The following ARHGAP12 variants were observed in gnomAD, a reference collection of about 807,000 sequenced individuals.
ARHGAP12 encodes rho GTPase-activating protein 12.
In ARHGAP12, 64 loss-of-function variants were observed where a neutral mutation model predicts 108.6. The ratio of observed to expected loss-of-function variants is 0.59; its 90% CI spans 0.48 to 0.73. The LOEUF (loss-of-function observed/expected upper bound fraction) is 0.73, where lower values mean the gene tolerates loss of function less well. ARHGAP12 is among the 30% of genes least tolerant of loss of function. The probability of loss-of-function intolerance (pLI) is 0.00; values close to 1 mark genes in which losing one functional copy is unlikely to be tolerated. For missense variants in ARHGAP12, 940 were observed against 1,005.9 expected (o/e 0.93, Z 0.89); for synonymous variants, 312 against 337.2 (o/e 0.93, Z 0.82).
intron 4 of ARHGAP12, among the ~76,000 whole-genome samples, chr10:31,859,530 A>G (rs1837031100): frequency 6.6e-6 from 1 of 152,236 alleles, no homozygotes; most frequent in Admixed American, 6.5e-5. Flanking sequence ...AGTCGCTGGA[A>G]GATGTGCTCC....
At chr10:31,893,424 A>G (rs566938216) in intron 3 of ARHGAP12, among the ~76,000 whole-genome samples, 1 of 152,342 alleles carries the variant, frequency 6.6e-6, no homozygotes, top group African/African-American at 2.4e-5. Context: ...ATCACCACCG[A>G]TCCCACAGAA....
chr10:31,866,581 C>T (rs2808083), intron 3 of ARHGAP12, among the ~76,000 whole-genome samples: 114,367 of 151,824 alleles, frequency 0.75, 43,666 homozygotes, highest in African/African-American at 0.87. Flanking sequence ...ATTATAAACA[C>T]CATACAATGA....
chr10:31,892,878 A>C (rs1838511479), intron 3 of ARHGAP12, among the ~76,000 whole-genome samples: 1 of 152,214 alleles, frequency 6.6e-6, no homozygotes, highest in Non-Finnish European at 1.5e-5. Context: ...AATGTAAAAT[A>C]ACAGAAATTA....
chr10:31,810,638 C>A lies in ARHGAP12; in HGVS notation c.2050+11G>T. 2 of 1,531,696 alleles carry A rather than the reference C, an allele frequency of 1.3e-6. No homozygotes were observed. Among genetic ancestry groups the A allele is most frequent in the Admixed American group, 2.3e-5 (1 of 43,730 alleles). 94.9% of individuals were successfully genotyped at this position (1,531,696 alleles called of 1,614,324 possible). Reference sequence around the variant, plus strand: ...TAATGTTAAAAAAAAAAATCAAAATCCTTCTCTTACCATGTTCTTCAACAT... The same window carrying A: ...TAATGTTAAAAAAAAAAATCAAAATACTTCTCTTACCATGTTCTTCAACAT... On this transcript the variant is annotated intron_variant, in intron 16 of 19. Transcript: ENST00000344936.
At chr10:31,859,131 A>C (rs1201699086) in intron 4 of ARHGAP12, among the ~76,000 whole-genome samples, 1 of 152,188 alleles carries the variant, frequency 6.6e-6, no homozygotes, top group Non-Finnish European at 1.5e-5. Context: ...AAAAATACTA[A>C]GATTCTGAGT....
At chr10:31,921,355 C>T (rs1248557584) in intron 1 of ARHGAP12, among the ~76,000 whole-genome samples, 1 of 152,142 alleles carries the variant, frequency 6.6e-6, no homozygotes, top group Non-Finnish European at 1.5e-5. Context: ...TTGTGGGATA[C>T]AGCTGAAGTA....
chr10:31,915,013 C>G (rs770205835), intron 1 of ARHGAP12, among the ~76,000 whole-genome samples: 3 of 152,172 alleles, frequency 2.0e-5, no homozygotes, highest in Non-Finnish European at 4.4e-5. Context: ...GTGGACGTTA[C>G]GTTGAATGAA....
At chr10:31,880,192 T>C (rs1339974849) in intron 3 of ARHGAP12, among the ~76,000 whole-genome samples, 1 of 152,240 alleles carries the variant, frequency 6.6e-6, no homozygotes, top group Non-Finnish European at 1.5e-5. Flanking sequence ...TTTATTTTGT[T>C]CTTTTCGATC....
chr10:31,815,801 G>A (rs182239072), intron 13 of ARHGAP12, among the ~76,000 whole-genome samples: 17 of 152,228 alleles, frequency 1.1e-4, no homozygotes, highest in Non-Finnish European at 2.1e-4. Flanking sequence ...GCTACATTTA[G>A]TCCTTGGTTA....
At chr10:31,898,595 A>G (rs985253253) in intron 3 of ARHGAP12, among the ~76,000 whole-genome samples, 7 of 152,356 alleles carry the variant, frequency 4.6e-5, no homozygotes, top group Middle Eastern at 3.4e-3. Flanking sequence ...ACGTTTCAGT[A>G]ATGGTGGACC....
intron 1 of ARHGAP12, among the ~76,000 whole-genome samples, chr10:31,922,040 A>T (rs1839836900): frequency 6.6e-6 from 1 of 151,082 alleles, no homozygotes; most frequent in African/African-American, 2.4e-5. Context: ...AAATACAAAA[A>T]ATTAGCCGGG....
intron 9 of ARHGAP12, among the ~76,000 whole-genome samples, chr10:31,837,160 G>A (rs1189698141): frequency 1.3e-5 from 2 of 152,170 alleles, no homozygotes; most frequent in Non-Finnish European, 2.9e-5. Flanking sequence ...TTAACAAAAT[G>A]AAAATAATGT....
chr10:31,928,475 A>AC (rs200149718), intron 1 of ARHGAP12, among the ~76,000 whole-genome samples: 7,490 of 148,786 alleles, frequency 0.05, 657 homozygotes, highest in African/African-American at 0.17. Context: ...CTCGGCGCCT[A>AC]ACCCCCGCGC....
At chr10:31,822,294 A>T (rs575819449) in intron 11 of ARHGAP12, among the ~76,000 whole-genome samples, 5 of 152,320 alleles carry the variant, frequency 3.3e-5, no homozygotes, top group African/African-American at 1.2e-4. Context: ...CAGGCCGACG[A>T]CGGACAGAGT....
chr10:31,808,046 A>G (rs560191341), intron 19 of ARHGAP12, among the ~76,000 whole-genome samples: 1 of 152,340 alleles, frequency 6.6e-6, no homozygotes, highest in African/African-American at 2.4e-5. Context: ...ACAATTAAGC[A>G]TACTCTAACA....
chr10:31,852,624 A>AT, intron 5 of ARHGAP12, 27 bp from the exon 6 acceptor site: 2 of 1,525,172 alleles, frequency 1.3e-6, no homozygotes, highest in Non-Finnish European at 1.8e-6. Flanking sequence ...GGTGTTTTTT[A>AT]TTAAATTTAA....
chr10:31,816,465 A>G (rs547493751), intron 13 of ARHGAP12, among the ~76,000 whole-genome samples: 1 of 152,284 alleles, frequency 6.6e-6, no homozygotes, highest in South Asian at 2.1e-4. Context: ...AGGAAAGTGC[A>G]GTATCTGACT....
At chr10:31,823,946 G>A (rs1835505504) in intron 11 of ARHGAP12, among the ~76,000 whole-genome samples, 1 of 152,126 alleles carries the variant, frequency 6.6e-6, no homozygotes, top group Non-Finnish European at 1.5e-5. Context: ...TGGTGACTGA[G>A]CAGATCAACA....
At chr10:31,922,699 C>T (rs906086686) in intron 1 of ARHGAP12, among the ~76,000 whole-genome samples, 1 of 152,030 alleles carries the variant, frequency 6.6e-6, no homozygotes, top group Non-Finnish European at 1.5e-5. Context: ...CTGGCCCAGG[C>T]GGCTTCACTG....
Sources: allele counts gnomAD v4.1 joint callset (sites outside exome capture counted in the v4.1 genomes callset), GRCh38; gene constraint gnomAD v4.1.1; transcripts MANE v1.5; gene names NCBI Gene and HGNC (gene_info 2026-07-23, HGNC 2026-07-21).